The following BTF3L4 variants were observed in gnomAD, a reference collection of about 807,000 sequenced individuals.
BTF3L4 encodes basic transcription factor 3 like 4, also known as transcription factor BTF3 homolog 4.
BTF3L4 carries 6 observed loss-of-function variants against 16.8 expected under a neutral mutation model. The observed-to-expected ratio is 0.36, with a 90% CI of 0.20 to 0.71. The LOEUF (loss-of-function observed/expected upper bound fraction) is 0.71, where lower values mean the gene tolerates loss of function less well. Ranked by LOEUF, BTF3L4 falls within the 30% of genes least tolerant of loss-of-function variation. The pLI is 0.58. For synonymous variants in BTF3L4, 39 were observed against 59.8 expected (o/e 0.65, Z 1.60); for missense variants, 92 against 186.9 (o/e 0.49, Z 2.96).
chr1:52,079,757 A>G lies in BTF3L4; in HGVS notation c.169-3583A>G, dbSNP rs61782474. Reference sequence around the variant, plus strand: ...TTTTGTAGCCAATAAGATACATTTTATCTATATACCTGTGTTGTTTTTCTT... The same window carrying G: ...TTTTGTAGCCAATAAGATACATTTTGTCTATATACCTGTGTTGTTTTTCTT... On this transcript the variant is annotated intron_variant, in intron 3 of 5. Transcript: ENST00000313334. Among the ~76,000 whole-genome samples the G allele has an allele frequency of 1.8e-3, 267 of 151,974 alleles. 1 individual carries two copies. The highest frequency in any genetic ancestry group is 7.7e-3 in the South Asian group (37 of 4,816).
rs1415022657 is a variant in BTF3L4 at position 52,088,495 on chromosome 1, T to G, written c.*1737T>G. Reference sequence around the variant, plus strand: ...AATGAATGTTAGTGCAGTAATTGTTTGAAATAATGCCTCATCCAGTGTTAG... The same window carrying G: ...AATGAATGTTAGTGCAGTAATTGTTGGAAATAATGCCTCATCCAGTGTTAG... On this transcript the variant is annotated 3_prime_UTR_variant, in exon 6 of 6. Transcript: ENST00000313334. The G allele has an allele frequency of 1.3e-5, 2 of 152,782 alleles. No homozygotes were observed. The highest frequency in any genetic ancestry group is 3.8e-4 in the East Asian group (2 of 5,196). 9.5% of individuals were successfully genotyped at this position (152,782 alleles called of 1,614,324 possible).
intron 3 of BTF3L4, among the ~76,000 whole-genome samples, chr1:52,076,881 G>A (rs1202118979): frequency 1.3e-5 from 2 of 152,146 alleles, no homozygotes; most frequent in South Asian, 4.1e-4. Flanking sequence ...CTATTAAGCT[G>A]TAAGAAGAGG....
intron 3 of BTF3L4, among the ~76,000 whole-genome samples, chr1:52,068,626 T>A (rs1686710420): frequency 6.6e-6 from 1 of 152,120 alleles, no homozygotes; most frequent in Non-Finnish European, 1.5e-5. Flanking sequence ...GCTTTTGCTG[T>A]TTTCATTTAT....
chr1:52,083,885 T>C (rs1643945901), intron 4 of BTF3L4, among the ~76,000 whole-genome samples: 1 of 151,918 alleles, frequency 6.6e-6, no homozygotes, highest in Non-Finnish European at 1.5e-5. Context: ...CCAGGCATGG[T>C]AGCAGGCGCC....
chr1:52,085,263 C>T (rs931713374), intron 4 of BTF3L4, among the ~76,000 whole-genome samples: 1 of 151,666 alleles, frequency 6.6e-6, no homozygotes, highest in South Asian at 2.1e-4. Context: ...TCGTGATCCA[C>T]CTGCCTCAGC....
chr1:52,070,788 AC>A (rs987122533), intron 3 of BTF3L4, among the ~76,000 whole-genome samples: 1 of 151,472 alleles, frequency 6.6e-6, no homozygotes, highest in Admixed American at 6.6e-5. Context: ...TAGGCGCACC[AC>A]CACATCTGGC....
At chr1:52,085,515 CTT>C (rs1643964212) in intron 4 of BTF3L4, among the ~76,000 whole-genome samples, 1 of 151,796 alleles carries the variant, frequency 6.6e-6, no homozygotes, top group African/African-American at 2.4e-5. Flanking sequence ...ACTGTAAAGT[CTT>C]TTTACTCAGT....
intron 3 of BTF3L4, among the ~76,000 whole-genome samples, chr1:52,079,735 T>A (rs938963300): frequency 6.6e-6 from 1 of 152,178 alleles, no homozygotes; most frequent in Non-Finnish European, 1.5e-5. Context: ...CCTCTTGTTT[T>A]GTAGCCAATA....
chr1:52,075,813 G>A (rs759855934), intron 3 of BTF3L4, among the ~76,000 whole-genome samples: 3 of 151,854 alleles, frequency 2.0e-5, no homozygotes, highest in Non-Finnish European at 1.5e-5. Context: ...ACAGGCAGGC[G>A]CCACCACACC....
Position 52,089,752 on chromosome 1 carries a change from A to G in BTF3L4, c.*2994A>G, listed in dbSNP as rs1014422500. ...GCCTTATCTGTTTTGGACAAGTCCAAAGTAAATGGTTGGGCTCTTATATCT... is the reference window on the plus strand; with the variant it reads ...GCCTTATCTGTTTTGGACAAGTCCAGAGTAAATGGTTGGGCTCTTATATCT... On this transcript the variant is annotated 3_prime_UTR_variant, in exon 6 of 6. Coordinates refer to ENST00000313334, the MANE Select transcript of BTF3L4 (RefSeq NM_152265.5). The G allele has an allele frequency of 3.3e-5, 5 of 152,152 alleles. No homozygotes were observed. Among genetic ancestry groups the G allele is most frequent in the African/African-American group, 9.7e-5 (4 of 41,444 alleles). The allele number at this position is 152,152 out of a possible 1,614,324, so 9.4% of individuals were successfully genotyped here.
intron 2 of BTF3L4, among the ~76,000 whole-genome samples, chr1:52,061,419 T>G (rs1572019717): frequency 7.5e-6 from 1 of 133,442 alleles, no homozygotes. Flanking sequence ...ACCCGGGAGG[T>G]GGAAGTTGCG....
At chr1:52,065,139 A>G (rs1171108267) in intron 3 of BTF3L4, 2 of 349,872 alleles carry the variant, frequency 5.7e-6, no homozygotes, top group African/African-American at 2.1e-5. Context: ...AAGGATTTTC[A>G]TCATACTTTT....
chr1:52,059,791 T>C (rs2124411732), intron 1 of BTF3L4, 44 bp from the exon 2 acceptor site: 13 of 1,585,716 alleles, frequency 8.2e-6, no homozygotes, highest in Non-Finnish European at 1.1e-5. Context: ...TTTGTTAATT[T>C]CGGCAAAAGA....
At chr1:52,065,585 A>G (rs985596963) in intron 3 of BTF3L4, among the ~76,000 whole-genome samples, 1 of 151,790 alleles carries the variant, frequency 6.6e-6, no homozygotes, top group African/African-American at 2.4e-5. Context: ...TTTATTATTT[A>G]AGATTTTGGA....
At chr1:52,083,669 C>A (rs967657101) in intron 4 of BTF3L4, 128 bp downstream of exon 4, 27 of 729,544 alleles carry the variant, frequency 3.7e-5, no homozygotes, top group Non-Finnish European at 2.3e-5. Context: ...AAAGTTATTT[C>A]TATGCTTCAT....
chr1:52,073,842 AC>A (rs1405706392), intron 3 of BTF3L4, among the ~76,000 whole-genome samples: 1 of 151,924 alleles, frequency 6.6e-6, no homozygotes, highest in African/African-American at 2.4e-5. Flanking sequence ...TACTAAAAAT[AC>A]AAAAATTAGC....
chr1:52,075,787 C>T (rs1387729407), intron 3 of BTF3L4, among the ~76,000 whole-genome samples: 1 of 151,936 alleles, frequency 6.6e-6, no homozygotes, highest in Middle Eastern at 3.2e-3. Flanking sequence ...CCTCAGCCTC[C>T]TGAGTAGCTG....
At chr1:52,086,405 G>A (rs2124450241) in intron 5 of BTF3L4, 1 of 487,190 alleles carries the variant, frequency 2.1e-6, no homozygotes, top group East Asian at 3.3e-5. Context: ...AAATCACTGT[G>A]ATTATAAATT....
chr1:52,072,222 T>C (rs1686809477), intron 3 of BTF3L4, among the ~76,000 whole-genome samples: 1 of 151,688 alleles, frequency 6.6e-6, no homozygotes, highest in African/African-American at 2.4e-5. Flanking sequence ...GCCTGGCTAA[T>C]TTTTTGTATT....
Sources: gnomAD v4.1 joint callset for allele counts (sites outside exome capture counted in the v4.1 genomes callset) on GRCh38, gnomAD v4.1.1 for gene constraint, MANE v1.5 for transcripts, NCBI Gene and HGNC (gene_info 2026-07-23, HGNC 2026-07-21) for gene names.